Variants in PRKG1 observed in about 807,000 individuals in gnomAD.
PRKG1 encodes cGMP-dependent protein kinase 1.
Under a neutral mutation model 88.1 loss-of-function variants are expected in PRKG1, and 35 were observed. The observed-to-expected ratio is 0.40, with a 90% CI of 0.30 to 0.53. The LOEUF (loss-of-function observed/expected upper bound fraction) is 0.53. PRKG1 is among the 20% of genes least tolerant of loss of function. The pLI, the probability that PRKG1 is intolerant of heterozygous loss-of-function variation, is 0.59. For missense variants in PRKG1, 540 were observed against 839.8 expected (o/e 0.64, Z 4.41); for synonymous variants, 303 against 292.5 (o/e 1.04, Z -0.37).
chr10:51,885,067 A>G (rs550075603), intron 4 of PRKG1, among the ~76,000 whole-genome samples: 1 of 152,338 alleles, frequency 6.6e-6, no homozygotes, highest in African/African-American at 2.4e-5. Flanking sequence ...CATACCGTGC[A>G]ATCTTAGCCA....
chr10:52,266,563 A>G (rs1841575692), intron 10 of PRKG1, among the ~76,000 whole-genome samples: 1 of 152,032 alleles, frequency 6.6e-6, no homozygotes, highest in Non-Finnish European at 1.5e-5. Context: ...ATTCCTTTTT[A>G]TAGCATCCAC....
In PRKG1 at chr10:51,037,705, T is replaced by C. The variant is rs189521347; in HGVS notation, c.266+46061T>C. On this transcript the variant is annotated intron_variant, in intron 1 of 17. Transcript: ENST00000401604. ...GGCTGAGGCAGGTGAATAGCTTGAC[T>C]TGGGGAGGCAGAGGTTGCAGTGAGC... Among the ~76,000 whole-genome samples the C allele has an allele frequency of 7.9e-5, 12 of 152,032 alleles. No individual in the cohort carries two copies. In the East Asian group the frequency reaches 1.2e-3, roughly 15 times the overall value.
intron 2 of PRKG1, among the ~76,000 whole-genome samples, chr10:51,176,059 C>G (rs1036874616): frequency 6.6e-6 from 1 of 152,118 alleles, no homozygotes; most frequent in African/African-American, 2.4e-5. Context: ...TATTTGAAAG[C>G]CTATCATTTG....
chr10:51,881,519 C>T (rs1441125591), intron 4 of PRKG1, among the ~76,000 whole-genome samples: 1 of 152,132 alleles, frequency 6.6e-6, no homozygotes, highest in Admixed American at 6.5e-5. Flanking sequence ...AGCTGAGCTT[C>T]TTGAAATTTG....
chr10:51,698,464 G>A (rs774806602), intron 3 of PRKG1: 1 of 1,614,118 alleles, frequency 6.2e-7, no homozygotes, highest in South Asian at 1.1e-5. Context: ...GATGCATGGG[G>A]GGACCCTGAT....
At chr10:52,170,552 C>A (rs898150233) in intron 9 of PRKG1, among the ~76,000 whole-genome samples, 1 of 152,146 alleles carries the variant, frequency 6.6e-6, no homozygotes, top group Admixed American at 6.5e-5. Context: ...ACAATCACCC[C>A]CCTCTCCACT....
chr10:51,672,903 T>C (rs7899392), intron 3 of PRKG1, among the ~76,000 whole-genome samples: 25,106 of 152,202 alleles, frequency 0.16, 2,181 homozygotes, highest in Non-Finnish European at 0.2. Context: ...GTTTTCCTGT[T>C]TCACCTTTAC....
upstream of PRKG1, among the ~76,000 whole-genome samples, chr10:51,073,355 G>A (rs1843863834): frequency 4.6e-5 from 7 of 152,152 alleles, no homozygotes; most frequent in Admixed American, 4.6e-4. Context: ...GTGTCAGGAT[G>A]TCTTCCTGGC....
intron 12 of PRKG1, 89 bp downstream of exon 12, chr10:52,272,570 A>G: frequency 1.1e-6 from 1 of 897,972 alleles, no homozygotes; most frequent in South Asian, 1.5e-5. Context: ...AAGTATAATA[A>G]TCATATTTAT....
At chr10:51,136,491 G>A (rs188932878) in intron 1 of PRKG1, among the ~76,000 whole-genome samples, 425 of 149,774 alleles carry the variant, frequency 2.8e-3, no homozygotes, top group Admixed American at 5.7e-3. Context: ...AGAGCCCTGG[G>A]ATCTAAAAAT....
chr10:51,097,742 A>G (rs889227630), intron 1 of PRKG1, among the ~76,000 whole-genome samples: 1 of 152,122 alleles, frequency 6.6e-6, no homozygotes, highest in African/African-American at 2.4e-5. Context: ...TACCCTCCTG[A>G]TAGACATAGA....
At chr10:51,103,310 C>T (rs1183777058) in intron 1 of PRKG1, among the ~76,000 whole-genome samples, 1 of 152,062 alleles carries the variant, frequency 6.6e-6, no homozygotes, top group South Asian at 2.1e-4. Context: ...GAATTAGATC[C>T]ACTAATGAAG....
intron 2 of PRKG1, among the ~76,000 whole-genome samples, chr10:51,387,865 G>A (rs1325690133): frequency 6.6e-6 from 1 of 152,012 alleles, no homozygotes; most frequent in Non-Finnish European, 1.5e-5. Context: ...AGTGACTGCT[G>A]CTACTGATAT....
At chr10:51,983,327 G>A (rs1844063524) in intron 5 of PRKG1, among the ~76,000 whole-genome samples, 1 of 152,152 alleles carries the variant, frequency 6.6e-6, no homozygotes. Context: ...AAGCTATGTG[G>A]GAGGTGGCCA....
intron 3 of PRKG1, among the ~76,000 whole-genome samples, chr10:51,580,823 A>G (rs1407953125): frequency 6.6e-6 from 1 of 152,100 alleles, no homozygotes; most frequent in Admixed American, 6.6e-5. Context: ...AGATCTGTCA[A>G]TTAGAGTGAA....
At chr10:51,117,726 C>A (rs577949552) in intron 1 of PRKG1, among the ~76,000 whole-genome samples, 11 of 152,284 alleles carry the variant, frequency 7.2e-5, no homozygotes, top group African/African-American at 2.6e-4. Flanking sequence ...TTTTTGATAG[C>A]TTTGTAAGAA....
chr10:52,155,732 GACACAC>G (rs146109771), intron 8 of PRKG1, among the ~76,000 whole-genome samples: 183 of 147,892 alleles, frequency 1.2e-3, no homozygotes, highest in African/African-American at 4.4e-3. Flanking sequence ...ATTGCCATTG[GACACAC>G]ACACACACAC....
rs1245823561 is a variant in PRKG1, at chr10:51,157,522, A to G, written c.478+4192A>G. Reference sequence around the variant, plus strand: ...CTTTTTTATTATACAGATAAACTTCAGTCTACATTCATTCAAAATAAAACA... The same window carrying G: ...CTTTTTTATTATACAGATAAACTTCGGTCTACATTCATTCAAAATAAAACA... On this transcript the variant is annotated intron_variant, in intron 2 of 17. Transcript: ENST00000373980. Among the ~76,000 whole-genome samples the G allele has an allele frequency of 2.6e-5, 4 of 152,068 alleles. No individual in the cohort carries two copies. The East Asian group carries it at 7.7e-4, about 29-fold the overall frequency.
intron 3 of PRKG1, among the ~76,000 whole-genome samples, chr10:51,660,841 G>T (rs1246693217): frequency 6.6e-6 from 1 of 151,988 alleles, no homozygotes; most frequent in Non-Finnish European, 1.5e-5. Flanking sequence ...TGTGACTTCC[G>T]TGATTGCAAA....
Sources: gnomAD v4.1 joint callset for allele counts (sites outside exome capture counted in the v4.1 genomes callset) on GRCh38, gnomAD v4.1.1 for gene constraint, MANE v1.5 for transcripts, NCBI Gene and HGNC (gene_info 2026-07-23, HGNC 2026-07-21) for gene names.